Variants in NCOR2 observed in about 807,000 individuals in gnomAD.
NCOR2 encodes the protein CTG repeat protein 26.
In NCOR2, 81 loss-of-function variants were observed where a neutral mutation model predicts 262.9. That is an observed-to-expected ratio of 0.31 (90% CI 0.26 to 0.37). The LOEUF (loss-of-function observed/expected upper bound fraction) is 0.37, where lower values mean the gene tolerates loss of function less well. NCOR2 is among the 10% of genes least tolerant of loss of function. The probability of loss-of-function intolerance (pLI) is 1.00; values close to 1 mark genes in which losing one functional copy is unlikely to be tolerated. For missense variants in NCOR2, 3,385 were observed against 3,621.4 expected (o/e 0.93, Z 1.68); for synonymous variants, 1,659 against 1,559.3 (o/e 1.06, Z -1.51).
In NCOR2 at chr12:124,483,700, T is replaced by C. The variant is rs865782027; in HGVS notation, c.307A>G (p.Ile103Val). 8.1e-6 allele frequency: 13 copies of C among 1,611,986 alleles called. No individual in the cohort carries two copies. The highest frequency in any genetic ancestry group is 3.3e-4 in the Middle Eastern group (2 of 6,080). ...TCTAGCCGAGGGCGCTTGCTTTCAA[T>C]GAACTCCATCTCTGACTTCCCCAGC... The change falls in exon 3 of 47, where the codon ATT becomes GTT. Residue 103 changes from isoleucine (I) to valine (V), a missense_variant. By Grantham distance (29) the Ile-to-Val change is conservative (BLOSUM62 3). Transcript: ENST00000405201. The surrounding 1 kb of genome is among the most constrained non-coding windows in gnomAD (Gnocchi z 6.3).
At chr12:124,553,818 CAGA>C (rs1240185315) in intron 1 of NCOR2, among the ~76,000 whole-genome samples, 4 of 152,226 alleles carry the variant, frequency 2.6e-5, no homozygotes, top group Non-Finnish European at 5.9e-5. Flanking sequence ...TGCCAGGTTG[CAGA>C]AGGCTTTGCA....
chr12:124,525,667 C>A (rs2050427224), intron 1 of NCOR2, among the ~76,000 whole-genome samples: 1 of 152,208 alleles, frequency 6.6e-6, no homozygotes. Flanking sequence ...CTGGCATGGC[C>A]CTGCCAAGAG....
At chr12:124,422,254 G>A (rs58817407) in intron 12 of NCOR2, among the ~76,000 whole-genome samples, 5,241 of 152,304 alleles carry the variant, frequency 0.034, 268 homozygotes, top group African/African-American at 0.11. Flanking sequence ...TGGGGTTCTC[G>A]GGATTCCCAG....
At chr12:124,343,068 G>T (rs1168412528) in exon 33 of NCOR2, 1 of 1,612,482 alleles carries the variant, frequency 6.2e-7, no homozygotes, top group Non-Finnish European at 8.5e-7. Flanking sequence ...ATGTGGCTGC[G>T]ATACAGGTCC....
chr12:124,494,740 G>T (rs2048287652), intron 1 of NCOR2, among the ~76,000 whole-genome samples: 1 of 152,018 alleles, frequency 6.6e-6, no homozygotes. Flanking sequence ...GAAGGAAGGG[G>T]AGCTGTGACC....
chr12:124,499,379 T>C (rs870844), upstream of NCOR2, among the ~76,000 whole-genome samples: 25,146 of 152,276 alleles, frequency 0.17, 2,341 homozygotes, highest in East Asian at 0.28. Flanking sequence ...CCCGGGCTAG[T>C]GCTGGGGACT....
At chr12:124,492,191 C>A (rs1007272083) in intron 1 of NCOR2, among the ~76,000 whole-genome samples, 1 of 152,234 alleles carries the variant, frequency 6.6e-6, no homozygotes, top group Non-Finnish European at 1.5e-5. Context: ...GGGGAAGAGG[C>A]CCTGCTTGGG....
At position 124,531,886 on chromosome 12, in the gene NCOR2, C is replaced by T. The variant is rs1231931733; in HGVS notation, c.-118+3679G>A. ...AGACAATCCCAGACACCCACCTCCC[C>T]ACCCCACTCCCAGCTGAAGAATCCA... is the stretch of plus-strand genomic sequence containing the variant. On this transcript the variant is annotated intron_variant, in intron 1 of 46. Coordinates refer to the NCOR2 transcript ENST00000404621. This position sits in a 1 kb window ranked among gnomAD's most constrained non-coding sequence, Gnocchi z 4.5. Among the ~76,000 whole-genome samples, 2 of 151,984 alleles carry T rather than the reference C, an allele frequency of 1.3e-5. No homozygotes were observed. The highest frequency in any genetic ancestry group is 2.9e-5 in the Non-Finnish European group (2 of 67,992).
At chr12:124,450,795 G>A (rs990425084) in intron 6 of NCOR2, among the ~76,000 whole-genome samples, 5 of 152,198 alleles carry the variant, frequency 3.3e-5, no homozygotes, top group African/African-American at 7.2e-5. Flanking sequence ...TTCAAGTCCC[G>A]GTTCTGATAC....
At chr12:124,446,439 C>T (rs565961619) in intron 7 of NCOR2, among the ~76,000 whole-genome samples, 4 of 152,266 alleles carry the variant, frequency 2.6e-5, no homozygotes, top group South Asian at 4.1e-4. Context: ...ACCAGCCCCC[C>T]GTGACCTGGC....
chr12:124,397,579 C>T (rs969105074), intron 16 of NCOR2, among the ~76,000 whole-genome samples: 4 of 152,210 alleles, frequency 2.6e-5, no homozygotes, highest in Non-Finnish European at 4.4e-5. Context: ...CTGGGTGTCC[C>T]CATCCACTCC....
At position 124,346,494 on chromosome 12, in the gene NCOR2, C is replaced by T. The variant is rs1237038330; in HGVS notation, c.4359+70G>A. 2.8e-6 allele frequency: 4 copies of T among 1,410,796 alleles called. No homozygotes were observed. The African/African-American group carries it at 5.8e-5, about 21-fold the overall frequency. The allele number at this position is 1,410,796 out of a possible 1,614,324, so 87.4% of individuals were successfully genotyped here. On this transcript the variant is annotated intron_variant, in intron 31 of 46. Coordinates refer to ENST00000405201, the Ensembl canonical transcript of NCOR2. ...CTCGGTTTCCCCATGTGGAGAGGCC[C>T]AGGGCAGTGCCCCACAGCCACCGCC...
rs866882808 is a variant in NCOR2 at position 124,460,615 on chromosome 12, C to A, written c.706-3453G>T. Among the ~76,000 whole-genome samples, 3 of 152,332 alleles carry A rather than the reference C, an allele frequency of 2.0e-5. 1 individual carries two copies. The highest frequency in any genetic ancestry group is 7.2e-5 in the African/African-American group (3 of 41,590). On this transcript the variant is annotated intron_variant, in intron 5 of 46. Coordinates refer to ENST00000405201, the Ensembl canonical transcript of NCOR2. ...TGGATGAGAGGGCAGGCCCTGTCTC[C>A]CTGCTCTCCAAGCCACAATCAGGAT...
intron 1 of NCOR2, among the ~76,000 whole-genome samples, chr12:124,509,457 T>C (rs1197276185): frequency 6.6e-6 from 1 of 152,218 alleles, no homozygotes; most frequent in African/African-American, 2.4e-5. Flanking sequence ...CTATTTGTGC[T>C]AAATGCAGGA....
Position 124,336,905 on chromosome 12 carries a change from T to C in NCOR2, c.5963A>G (p.His1988Arg). The change falls in exon 38 of 47, where the codon CAC becomes CGC. Residue 1988 changes from histidine (H) to arginine (R), a missense_variant. Physicochemically the swap from His to Arg is conservative, Grantham distance 29 (BLOSUM62 0). This residue lies in a region of NCOR2 where 1,017 missense variants were observed against 967.2 expected (regional missense o/e 1.05). Coordinates refer to ENST00000405201, the Ensembl canonical transcript of NCOR2. ...CGCAGGGGTGCGGGCGATGGTGGCGTGGCCAGAGACAGGAGGCACTAGGGG... is the reference window on the plus strand; with the variant it reads ...CGCAGGGGTGCGGGCGATGGTGGCGCGGCCAGAGACAGGAGGCACTAGGGG... 1.9e-6 allele frequency: 3 copies of C among 1,601,032 alleles called. No individual in the cohort carries two copies. The African/African-American group carries it at 4.0e-5, about 21-fold the overall frequency.
At chr12:124,348,841 G>A (rs754578305) in intron 28 of NCOR2, 11 of 162,768 alleles carry the variant, frequency 6.8e-5, no homozygotes, top group Admixed American at 4.6e-4. Context: ...AGGAGCACGC[G>A]TGTGCACCGA....
At chr12:124,557,716 G>T (rs1228609348) in intron 1 of NCOR2, among the ~76,000 whole-genome samples, 1 of 152,124 alleles carries the variant, frequency 6.6e-6, no homozygotes, top group East Asian at 1.9e-4. Flanking sequence ...GAGGGTGGCA[G>T]ATGGCGTGGG....
chr12:124,398,039 T>A, intron 16 of NCOR2, 80 bp downstream of exon 18: 4 of 1,552,756 alleles, frequency 2.6e-6, no homozygotes, highest in Non-Finnish European at 3.6e-6. Flanking sequence ...GCCAAATGTG[T>A]CAACACCCTC....
chr12:124,374,186 A>G (rs996068351), intron 19 of NCOR2, among the ~76,000 whole-genome samples: 4 of 152,258 alleles, frequency 2.6e-5, no homozygotes, highest in African/African-American at 7.2e-5. Context: ...AGTGAAAATC[A>G]GCAAAGCAGT....
Sources: gnomAD v4.1 joint callset for allele counts (sites outside exome capture counted in the v4.1 genomes callset) on GRCh38, gnomAD v4.1.1 for gene constraint, gnomAD v4.1.1 regional missense constraint, Gnocchi (gnomAD v3.1) non-coding constraint, MANE v1.5 for transcripts, NCBI Gene and HGNC (gene_info 2026-07-23, HGNC 2026-07-21) for gene names.